Variants in ACYP2 observed in about 807,000 individuals in gnomAD.
ACYP2 encodes the protein acylphosphatase 2.
A neutral mutation model predicts 11.2 loss-of-function variants in ACYP2; 12 were observed. The observed-to-expected ratio is 1.08, with a 90% CI of 0.69 to 1.74. The LOEUF (loss-of-function observed/expected upper bound fraction) is 1.74. ACYP2 is among the 40% of genes most tolerant of loss of function. The probability of loss-of-function intolerance (pLI) is 0.00; values close to 1 mark genes in which losing one functional copy is unlikely to be tolerated. For synonymous variants in ACYP2, 43 were observed against 32.2 expected, an observed-to-expected ratio of 1.33 and a Z score of -1.13; for missense variants, 134 against 101.9, an observed-to-expected ratio of 1.31 and a Z score of -1.35.
At chr2:54,077,598 G>A (rs1327426729) in intron 4 of ACYP2, among the ~76,000 whole-genome samples, 2 of 152,196 alleles carry the variant, frequency 1.3e-5, no homozygotes, top group African/African-American at 2.4e-5. Flanking sequence ...TGGTAACCAG[G>A]CAGAGAAGTG....
intron 6 of ACYP2, among the ~76,000 whole-genome samples, chr2:54,181,472 C>T (rs1430617220): frequency 6.6e-6 from 1 of 152,000 alleles, no homozygotes; most frequent in Non-Finnish European, 1.5e-5. Context: ...GATAATAATC[C>T]CTACTACTTA....
chr2:54,052,400 C>T (rs1675916619), intron 3 of ACYP2, among the ~76,000 whole-genome samples: 1 of 151,900 alleles, frequency 6.6e-6, no homozygotes, highest in Non-Finnish European at 1.5e-5. Context: ...TTGTCTGGTA[C>T]AGTATGGGGG....
intron 6 of ACYP2, chr2:54,255,339 G>A (rs777341981): frequency 1.9e-6 from 3 of 1,614,120 alleles, no homozygotes; most frequent in Non-Finnish European, 2.5e-6. Flanking sequence ...TTAACATCTC[G>A]GCATCTTGGC....
intron 6 of ACYP2, among the ~76,000 whole-genome samples, chr2:54,265,305 C>G (rs843683): frequency 0.45 from 68,077 of 151,918 alleles, 16,001 homozygotes; most frequent in African/African-American, 0.6. Context: ...CAAAGAGAGA[C>G]AGCTTGTAAA....
rs538211210 is a variant in ACYP2 at position 54,143,947 on chromosome 2, C to G, written c.404+5199C>G. Among the ~76,000 whole-genome samples, 9 of 152,000 alleles carry G rather than the reference C, an allele frequency of 5.9e-5. No individual in the cohort carries two copies. In the East Asian group the frequency reaches 1.5e-3, roughly 26 times the overall value. On this transcript the variant is annotated intron_variant, in intron 6 of 6. Transcript: ENST00000607452. Reference sequence around the variant, plus strand: ...CTTCTCAATGTTGACCTTTAACCACCTTTTCAATCTACCCTGTGGTAACTG... The same window carrying G: ...CTTCTCAATGTTGACCTTTAACCACGTTTTCAATCTACCCTGTGGTAACTG...
intron 6 of ACYP2, among the ~76,000 whole-genome samples, chr2:54,192,104 G>T (rs1361917299): frequency 1.3e-5 from 2 of 151,902 alleles, no homozygotes; most frequent in African/African-American, 2.4e-5. Flanking sequence ...TTAAATCCAA[G>T]AACTAATACA....
intron 4 of ACYP2, among the ~76,000 whole-genome samples, chr2:54,102,060 A>T (rs1440262847): frequency 1.3e-5 from 2 of 152,220 alleles, no homozygotes; most frequent in Non-Finnish European, 2.9e-5. Context: ...TGCCCAAAAA[A>T]TCCCCTGTGC....
At chr2:54,219,881 G>GTA (rs869248101) in intron 6 of ACYP2, among the ~76,000 whole-genome samples, 9 of 99,482 alleles carry the variant, frequency 9.0e-5, no homozygotes, top group Admixed American at 3.5e-4. Flanking sequence ...GTGTGTGTGT[G>GTA]TATATATATA....
rs115759665 is a variant in ACYP2 at position 54,275,822 on chromosome 2, G to A, written c.405-28866G>A. Among the ~76,000 whole-genome samples, 450 of 152,204 alleles carry A rather than the reference G, an allele frequency of 3.0e-3. 3 individuals carry two copies. The highest frequency in any genetic ancestry group is 0.01 in the African/African-American group (424 of 41,548). On this transcript the variant is annotated intron_variant, in intron 6 of 6. Coordinates refer to ENST00000607452, the MANE Select transcript of ACYP2 (RefSeq NM_001320586.2). The stretch of plus-strand genomic sequence containing the variant: ...CAAGCCCTGCTTGATTTGCCTAATG[G>A]ACTATTTGATAAGGGCAAAATACAT...
intron 6 of ACYP2, among the ~76,000 whole-genome samples, chr2:54,201,594 C>CTT (rs57144917): frequency 0.32 from 30,040 of 94,198 alleles, 4,826 homozygotes; most frequent in East Asian, 0.54. Context: ...TTCTTTCTTT[C>CTT]TCTTTCTTTC....
chr2:54,059,231 C>A (rs1245326789), intron 4 of ACYP2, among the ~76,000 whole-genome samples: 1 of 145,784 alleles, frequency 6.9e-6, no homozygotes, highest in African/African-American at 2.6e-5. Context: ...TCTTTTTTTT[C>A]TTTTGAGTTG....
chr2:54,006,493 C>T (rs1434684318), intron 2 of ACYP2, among the ~76,000 whole-genome samples: 1 of 152,048 alleles, frequency 6.6e-6, no homozygotes, highest in Non-Finnish European at 1.5e-5. Flanking sequence ...CTGTGCTGCC[C>T]AGAACTTCTG....
chr2:53,990,735 A>G (rs1421166041), intron 2 of ACYP2, among the ~76,000 whole-genome samples: 1 of 151,596 alleles, frequency 6.6e-6, no homozygotes, highest in African/African-American at 2.4e-5. Flanking sequence ...GAGAGCTTCT[A>G]CTGTCAGAGT....
chr2:54,006,060 T>C (rs550627769), intron 2 of ACYP2, among the ~76,000 whole-genome samples: 2 of 152,294 alleles, frequency 1.3e-5, no homozygotes, highest in East Asian at 3.9e-4. Context: ...CACAGCTCAC[T>C]GCAGGCTCAG....
intron 2 of ACYP2, among the ~76,000 whole-genome samples, chr2:53,993,204 AG>A (rs554618843): frequency 3.0e-4 from 46 of 152,148 alleles, no homozygotes; most frequent in African/African-American, 1.0e-3. Flanking sequence ...TGACAAGAAA[AG>A]GTTTTTGCTT....
intron 4 of ACYP2, among the ~76,000 whole-genome samples, chr2:54,090,781 A>G (rs1055592431): frequency 1.1e-4 from 16 of 151,220 alleles, no homozygotes; most frequent in Non-Finnish European, 1.8e-4. Flanking sequence ...AAATCCCTCA[A>G]CTCTGTTCCC....
chr2:54,263,220 C>G (rs1580432), intron 6 of ACYP2, among the ~76,000 whole-genome samples: 68,444 of 151,926 alleles, frequency 0.45, 15,821 homozygotes, highest in African/African-American at 0.55. Context: ...AAAGGGGCAA[C>G]AGGCACATGG....
At chr2:54,255,415 C>G in intron 6 of ACYP2, 1 of 1,613,992 alleles carries the variant, frequency 6.2e-7, no homozygotes, top group Non-Finnish European at 8.5e-7. Context: ...CGGGATATTG[C>G]GAATGATGTC....
chr2:53,984,500 C>CG (rs372207808), intron 2 of ACYP2, among the ~76,000 whole-genome samples: 5 of 150,804 alleles, frequency 3.3e-5, no homozygotes, highest in Admixed American at 2.0e-4. Context: ...TCTCTTGAAC[C>CG]GGGGGGGTGG....
Sources: allele counts gnomAD v4.1 joint callset (sites outside exome capture counted in the v4.1 genomes callset), GRCh38; gene constraint gnomAD v4.1.1; transcripts MANE v1.5; gene names NCBI Gene and HGNC (gene_info 2026-07-23, HGNC 2026-07-21).